The following MAST4 variants were observed in gnomAD, a reference collection of about 807,000 sequenced individuals.
The protein encoded by MAST4 is microtubule-associated serine/threonine-protein kinase 4.
A neutral mutation model predicts 162.7 loss-of-function variants in MAST4; 89 were observed. That is an observed-to-expected ratio of 0.55 (90% CI 0.46 to 0.65). MAST4 has a LOEUF of 0.65. Ranked by LOEUF, MAST4 falls within the 30% of genes least tolerant of loss-of-function variation. The pLI is 0.00. For synonymous variants in MAST4, 1,479 were observed against 1,361.1 expected, an observed-to-expected ratio of 1.09 and a Z score of -1.91; for missense variants, 3,153 against 3,374.0, an observed-to-expected ratio of 0.93 and a Z score of 1.62.
intron 26 of MAST4, among the ~76,000 whole-genome samples, chr5:67,160,222 T>C (rs144144293): frequency 2.6e-5 from 4 of 152,186 alleles, no homozygotes; most frequent in African/African-American, 9.7e-5. Flanking sequence ...GTGCTTGGAT[T>C]TGAACTCAGA....
intron 1 of MAST4, among the ~76,000 whole-genome samples, chr5:66,709,475 C>G (rs1750354596): frequency 1.3e-5 from 2 of 152,126 alleles, no homozygotes; most frequent in African/African-American, 2.4e-5. Flanking sequence ...GCCACTGTCC[C>G]TGGCTAATTT....
chr5:67,145,495 C>G (rs1472150401), intron 23 of MAST4, 116 bp downstream of exon 23: 1 of 770,536 alleles, frequency 1.3e-6, no homozygotes, highest in Non-Finnish European at 2.1e-6. Flanking sequence ...TGCTGCTAGA[C>G]TTTCTCCATG....
At chr5:66,788,544 C>A in intron 2 of MAST4, 126 bp from the exon 3 acceptor site, 3 of 1,244,924 alleles carry the variant, frequency 2.4e-6, no homozygotes, top group Non-Finnish European at 2.3e-6. Flanking sequence ...AATGTTATTA[C>A]TGGGTATGGC....
At chr5:66,813,332 G>T (rs182717091) in intron 3 of MAST4, among the ~76,000 whole-genome samples, 1 of 152,294 alleles carries the variant, frequency 6.6e-6, no homozygotes, top group Admixed American at 6.5e-5. Context: ...TTTACTGGAG[G>T]TTTGAAAAAT....
At chr5:66,954,900 C>CAAAAAAAAAAAAAAAAAAAAAAA (rs538274808) in intron 4 of MAST4, among the ~76,000 whole-genome samples, 3 of 139,398 alleles carry the variant, frequency 2.2e-5, no homozygotes, top group African/African-American at 8.7e-5. Context: ...GACTCTGTCT[C>CAAAAAAAAAAAAAAAAAAAAAAA]AAAAAAAAAA....
intron 3 of MAST4, among the ~76,000 whole-genome samples, chr5:66,796,684 C>T (rs780132964): frequency 2.6e-5 from 4 of 152,204 alleles, no homozygotes; most frequent in African/African-American, 9.6e-5. Flanking sequence ...AACAGCAATA[C>T]TACACATATA....
intron 5 of MAST4, among the ~76,000 whole-genome samples, chr5:67,066,075 C>T (rs1165942043): frequency 6.6e-6 from 1 of 151,440 alleles, no homozygotes; most frequent in Non-Finnish European, 1.5e-5. Context: ...TGTATAAATA[C>T]AAAAACAGTC....
chr5:66,712,727 A>C (rs530611186), intron 1 of MAST4, among the ~76,000 whole-genome samples: 1 of 152,202 alleles, frequency 6.6e-6, no homozygotes, highest in African/African-American at 2.4e-5. Context: ...TTGCCGAAAA[A>C]GTAATGAGAA....
intron 3 of MAST4, among the ~76,000 whole-genome samples, chr5:66,817,714 ATGTT>A (rs1756799335): frequency 6.6e-6 from 1 of 152,176 alleles, no homozygotes; most frequent in East Asian, 1.9e-4. Flanking sequence ...ATAATTGTGA[ATGTT>A]TGATTCTGGC....
At chr5:67,052,299 G>T (rs1295865777) in intron 4 of MAST4, among the ~76,000 whole-genome samples, 1 of 152,044 alleles carries the variant, frequency 6.6e-6, no homozygotes, top group Non-Finnish European at 1.5e-5. Flanking sequence ...AAATCTGTTT[G>T]TATATTGACC....
chr5:67,135,815 A>G (rs895179351), intron 18 of MAST4, among the ~76,000 whole-genome samples: 7 of 152,208 alleles, frequency 4.6e-5, no homozygotes, highest in African/African-American at 1.7e-4. Flanking sequence ...TCAGATTTAA[A>G]CTGCAGCAGA....
At chr5:66,719,460 G>T (rs764656764) in intron 1 of MAST4, among the ~76,000 whole-genome samples, 1 of 152,038 alleles carries the variant, frequency 6.6e-6, no homozygotes, top group Non-Finnish European at 1.5e-5. Flanking sequence ...GTGTTTAATG[G>T]GTTATACATT....
intron 4 of MAST4, among the ~76,000 whole-genome samples, chr5:67,041,654 A>G (rs1433894287): frequency 6.6e-6 from 1 of 152,176 alleles, no homozygotes; most frequent in Non-Finnish European, 1.5e-5. Context: ...TTTGTGACAA[A>G]GTCTTGCTCT....
intron 3 of MAST4, among the ~76,000 whole-genome samples, chr5:66,797,674 A>G (rs1755717635): frequency 6.6e-6 from 1 of 152,312 alleles, no homozygotes; most frequent in African/African-American, 2.4e-5. Context: ...GTTTGCAGCC[A>G]TGAGAATTCA....
chr5:66,746,365 A>G (rs902026303), intron 1 of MAST4, among the ~76,000 whole-genome samples: 1 of 152,178 alleles, frequency 6.6e-6, no homozygotes, highest in Non-Finnish European at 1.5e-5. Context: ...CCTTTCTGGA[A>G]CACAGTCGAA....
At chr5:66,747,233 CAG>C (rs910797152) in intron 1 of MAST4, among the ~76,000 whole-genome samples, 48 of 152,074 alleles carry the variant, frequency 3.2e-4, no homozygotes, top group African/African-American at 8.7e-4. Flanking sequence ...TGGAAGGGAA[CAG>C]AGAAAATCAA....
At position 67,166,157 on chromosome 5, in the gene MAST4, G is replaced by C. The variant is rs1282825916; in HGVS notation, c.6978G>C (p.Lys2326Asn). 1 of 1,568,652 alleles carries C rather than the reference G, an allele frequency of 6.4e-7. No individual in the cohort carries two copies. Among genetic ancestry groups the C allele is most frequent in the African/African-American group, 1.4e-5 (1 of 73,764 alleles). Residue 2326 changes from lysine (K) to asparagine (N), a missense_variant, in exon 29 of 29, where the codon AAG (lysine) becomes AAC (asparagine). Coordinates refer to ENST00000403625, the MANE Select transcript of MAST4 (RefSeq NM_001164664.2). ...ADQKLSAVGE[K>N]QTLSPKHPKP... ...AGAAACTGTCCGCTGTTGGTGAAAAGCAAACCCTGTCTCCAAAGCACCCCA... is the reference window on the plus strand; with the variant it reads ...AGAAACTGTCCGCTGTTGGTGAAAACCAAACCCTGTCTCCAAAGCACCCCA...
At chr5:66,734,608 C>A (rs1183843969) in intron 1 of MAST4, among the ~76,000 whole-genome samples, 1 of 152,194 alleles carries the variant, frequency 6.6e-6, no homozygotes, top group Non-Finnish European at 1.5e-5. Flanking sequence ...TAGAGTATTG[C>A]TGTCCAATAG....
chr5:66,959,742 A>G (rs1391931577), intron 4 of MAST4, among the ~76,000 whole-genome samples: 1 of 152,204 alleles, frequency 6.6e-6, no homozygotes, highest in Non-Finnish European at 1.5e-5. Flanking sequence ...GATGTGATCC[A>G]TGTTTTATCT....
Sources: allele counts gnomAD v4.1 joint callset (sites outside exome capture counted in the v4.1 genomes callset), GRCh38; gene constraint gnomAD v4.1.1; transcripts MANE v1.5; gene names NCBI Gene and HGNC (gene_info 2026-07-23, HGNC 2026-07-21).